The following RBMS2 variants were observed in gnomAD, a reference collection of about 807,000 sequenced individuals.
RBMS2 encodes the protein RNA binding motif single stranded interacting protein 2, also known as RNA-binding motif, single-stranded-interacting protein 2.
RBMS2 carries 38 observed loss-of-function variants against 58.4 expected under a neutral mutation model. That is an observed-to-expected ratio of 0.65 (90% CI 0.50 to 0.85). The LOEUF is 0.85. Ranked by LOEUF, RBMS2 falls within the 40% of genes least tolerant of loss-of-function variation. The pLI, the probability that RBMS2 is intolerant of heterozygous loss-of-function variation, is 0.00. For synonymous variants in RBMS2, 151 were observed against 180.7 expected, an observed-to-expected ratio of 0.84 and a Z score of 1.32; for missense variants, 367 against 503.7, an observed-to-expected ratio of 0.73 and a Z score of 2.60.
In RBMS2 at chr12:56,580,699, T is replaced by C. The variant is rs1883825185; in HGVS notation, c.543-485T>C. Reference sequence around the variant, plus strand: ...ACTATGGGCCATGAACTCTTTCTTATTGCTTTTTCCTTCCACAGATTCATG... The same window carrying C: ...ACTATGGGCCATGAACTCTTTCTTACTGCTTTTTCCTTCCACAGATTCATG... On this transcript the variant is annotated intron_variant, in intron 5 of 13. Transcript: ENST00000262031. 3.9e-5 allele frequency among the ~76,000 whole-genome samples: 6 copies of C among 152,224 alleles called. 1 individual carries two copies. In the South Asian group the frequency reaches 1.0e-3, roughly 26 times the overall value.
At chr12:56,556,340 A>G (rs924234007) in intron 1 of RBMS2, among the ~76,000 whole-genome samples, 1 of 151,622 alleles carries the variant, frequency 6.6e-6, no homozygotes, top group African/African-American at 2.4e-5. Context: ...TGTCACTGTA[A>G]TCTCCTCTTA....
chr12:56,523,538 G>A (rs557589495), intron 1 of RBMS2, among the ~76,000 whole-genome samples: 1 of 152,284 alleles, frequency 6.6e-6, no homozygotes, highest in East Asian at 1.9e-4. Flanking sequence ...CCAGCACTTG[G>A]GAGGCCAAGG....
At chr12:56,540,826 C>T (rs905520220) in intron 1 of RBMS2, among the ~76,000 whole-genome samples, 1 of 152,108 alleles carries the variant, frequency 6.6e-6, no homozygotes, top group Non-Finnish European at 1.5e-5. Context: ...ATTGGCTGGG[C>T]TTGGTGGCTC....
chr12:56,589,450 G>C lies in RBMS2; in HGVS notation c.*317G>C. 1 of 421,800 alleles carries C rather than the reference G, an allele frequency of 2.4e-6. No homozygotes were observed. Among genetic ancestry groups the C allele is most frequent in the Non-Finnish European group, 3.6e-6 (1 of 275,538 alleles). 26.1% of individuals were successfully genotyped at this position (421,800 alleles called of 1,614,324 possible). A position where few individuals can be genotyped will look rare whatever the true frequency, so the allele number is the denominator to read the frequency against. ...CTGCAACGTACTTTTCCCCTACCTT[G>C]AAGAGACATGGTGGTCGCAGCTTCT... On this transcript the variant is annotated 3_prime_UTR_variant, in exon 14 of 14. Transcript: ENST00000262031.
At chr12:56,526,470 C>T (rs1001949558) in intron 1 of RBMS2, among the ~76,000 whole-genome samples, 2 of 151,706 alleles carry the variant, frequency 1.3e-5, no homozygotes, top group African/African-American at 4.8e-5. Context: ...ATGGGAATGC[C>T]GTCAACAAAT....
intron 5 of RBMS2, among the ~76,000 whole-genome samples, chr12:56,572,153 G>A (rs1193910569): frequency 2.6e-5 from 4 of 151,820 alleles, no homozygotes; most frequent in Non-Finnish European, 5.9e-5. Context: ...GCCAGACGTG[G>A]TGGCGCATGC....
chr12:56,567,321 G>A (rs1187781745), intron 2 of RBMS2, among the ~76,000 whole-genome samples: 1 of 151,564 alleles, frequency 6.6e-6, no homozygotes, highest in East Asian at 1.9e-4. Flanking sequence ...GGAGGCGGAG[G>A]GTGCAGTGAG....
chr12:56,565,067 C>G (rs1222384920), intron 2 of RBMS2, among the ~76,000 whole-genome samples: 1 of 152,118 alleles, frequency 6.6e-6, no homozygotes, highest in Non-Finnish European at 1.5e-5. Context: ...ATAACCTATG[C>G]ACATGCTCCT....
chr12:56,589,036 G>C lies in RBMS2; in HGVS notation c.*6+18G>C, dbSNP rs1165232708. ...AACAGTGGGTAAGAACCACATGCTG[G>C]GGGGCAGGGAGGGCTGCACTGGCAG... On this transcript the variant is annotated intron_variant, in intron 13 of 13. Transcript: ENST00000262031. The C allele has an allele frequency of 4.3e-6, 7 of 1,613,982 alleles. No individual in the cohort carries two copies. In the Admixed American group the frequency reaches 6.7e-5, roughly 15 times the overall value.
At chr12:56,551,979 G>A (rs947410828) in intron 1 of RBMS2, among the ~76,000 whole-genome samples, 3 of 152,102 alleles carry the variant, frequency 2.0e-5, no homozygotes, top group East Asian at 1.9e-4. Flanking sequence ...TCCCAGGTAC[G>A]TGGGAGGCTG....
Position 56,548,151 on chromosome 12 carries a change from A to G in RBMS2, c.67-14266A>G, listed in dbSNP as rs115196325. 3.8e-3 allele frequency among the ~76,000 whole-genome samples: 574 copies of G among 152,078 alleles called. 5 individuals are homozygous for G. The highest frequency in any genetic ancestry group is 0.013 in the African/African-American group (554 of 41,510). On this transcript the variant is annotated intron_variant, in intron 1 of 13. Transcript: ENST00000262031. ...AGTGTTTGTACATAGTTGGTATTCAAATATTTGCTTGGCTGGATGTGGTGG... is the reference window on the plus strand; with the variant it reads ...AGTGTTTGTACATAGTTGGTATTCAGATATTTGCTTGGCTGGATGTGGTGG...
At position 56,588,980 on chromosome 12, in the gene RBMS2, C is replaced by G. The variant is rs532061418; in HGVS notation, c.1192C>G (p.His398Asp). ...NQVAVDAPSE[H>D]GVYSFQFNK is the part of the protein sequence containing the mutation. ...AGTGGCAGTGGACGCACCCTCAGAG[C>G]ATGGGGTCTATTCTTTCCAGTTCAA... The change falls in exon 13 of 14, where the codon CAT becomes GAT. Residue 398 changes from histidine (H) to aspartate (D), a missense_variant. His to Asp is a moderately conservative substitution (Grantham distance 81). This residue lies in a region of RBMS2 where 220 missense variants were observed against 261.1 expected (regional missense o/e 0.84). Coordinates refer to ENST00000262031, the MANE Select transcript of RBMS2 (RefSeq NM_002898.4). 2 of 1,614,158 alleles carry G rather than the reference C, an allele frequency of 1.2e-6. No homozygotes were observed. Among genetic ancestry groups the G allele is most frequent in the South Asian group, 1.1e-5 (1 of 91,078 alleles).
intron 1 of RBMS2, 46 bp downstream of exon 1, chr12:56,522,135 G>A: frequency 6.8e-7 from 1 of 1,463,074 alleles, no homozygotes; most frequent in Non-Finnish European, 9.5e-7. Flanking sequence ...CTTTTTCTGG[G>A]GATCTTGCAA....
rs754171343 is a variant in RBMS2 at position 56,587,608 on chromosome 12, A to C, written c.1006A>C (p.Met336Leu). The change falls in exon 11 of 14, where the codon ATG (methionine) becomes CTG (leucine). Residue 336 changes from methionine (M) to leucine (L), a missense_variant. Coordinates refer to ENST00000262031, the MANE Select transcript of RBMS2 (RefSeq NM_002898.4). ...TCCCATTTCTCTCCAGCCTGCCTCC[A>C]TGATGGGACCCCTTACCCAGCAACT... ...DHPISLQPAS[M>L]MGPLTQQLGH... The C allele has an allele frequency of 1.2e-6, 2 of 1,614,064 alleles. No homozygotes were observed. The highest frequency in any genetic ancestry group is 2.2e-5 in the South Asian group (2 of 91,072).
At chr12:56,580,806 C>A (rs1308011508) in intron 5 of RBMS2, among the ~76,000 whole-genome samples, 3 of 152,196 alleles carry the variant, frequency 2.0e-5, no homozygotes, top group African/African-American at 7.2e-5. Context: ...TTGGCAAATT[C>A]TTAGCTTGTA....
intron 1 of RBMS2, among the ~76,000 whole-genome samples, chr12:56,526,927 G>T (rs1021495325): frequency 3.9e-5 from 6 of 152,140 alleles, no homozygotes; most frequent in Non-Finnish European, 8.8e-5. Flanking sequence ...AAAAGGGACT[G>T]TGTTTAACTT....
intron 1 of RBMS2, among the ~76,000 whole-genome samples, 175 bp from the exon 2 acceptor site, chr12:56,562,242 T>A (rs539787527): frequency 1.6e-4 from 24 of 152,352 alleles, no homozygotes; most frequent in African/African-American, 5.3e-4. Flanking sequence ...GTGGTATTAA[T>A]TTCTTCTTCT....
intron 2 of RBMS2, among the ~76,000 whole-genome samples, chr12:56,563,318 T>C (rs1880771730): frequency 6.6e-6 from 1 of 152,068 alleles, no homozygotes; most frequent in Non-Finnish European, 1.5e-5. Flanking sequence ...AAGTTTAATA[T>C]CTCTATAGAT....
chr12:56,555,132 G>A (rs1375668640), intron 1 of RBMS2, among the ~76,000 whole-genome samples: 1 of 151,654 alleles, frequency 6.6e-6, no homozygotes, highest in Admixed American at 6.6e-5. Context: ...CCTACTTAGT[G>A]AGCTGGCCCT....
Sources: gnomAD v4.1 joint callset for allele counts (sites outside exome capture counted in the v4.1 genomes callset) on GRCh38, gnomAD v4.1.1 for gene constraint, gnomAD v4.1.1 regional missense constraint, MANE v1.5 for transcripts, NCBI Gene and HGNC (gene_info 2026-07-23, HGNC 2026-07-21) for gene names.